The following PITPNC1 variants were observed in gnomAD, a reference collection of about 807,000 sequenced individuals.
PITPNC1 encodes the protein phosphatidylinositol transfer protein cytoplasmic 1.
Under a neutral mutation model 44.7 loss-of-function variants are expected in PITPNC1, and 18 were observed. The ratio of observed to expected loss-of-function variants is 0.40; its 90% CI spans 0.28 to 0.60. The LOEUF is 0.60. Among genes scored for constraint, PITPNC1 ranks in the 20% least tolerant of loss-of-function variants. PITPNC1 has a pLI of 0.39. For missense variants in PITPNC1, 290 were observed against 418.4 expected (o/e 0.69, Z 2.68); for synonymous variants, 141 against 149.6 (o/e 0.94, Z 0.42).
intron 1 of PITPNC1, among the ~76,000 whole-genome samples, chr17:67,396,455 T>C (rs2038222052): frequency 6.6e-6 from 1 of 152,026 alleles, no homozygotes; most frequent in Non-Finnish European, 1.5e-5. Context: ...CACTGCAACC[T>C]CTGCCCTCAG....
At chr17:67,407,162 T>C (rs2038413186) in intron 1 of PITPNC1, among the ~76,000 whole-genome samples, 1 of 152,226 alleles carries the variant, frequency 6.6e-6, no homozygotes, top group African/African-American at 2.4e-5. Context: ...CTCTACATCC[T>C]GGCCAGCACT....
chr17:67,410,294 A>G (rs2038475356), intron 1 of PITPNC1, among the ~76,000 whole-genome samples: 1 of 152,146 alleles, frequency 6.6e-6, no homozygotes, highest in South Asian at 2.1e-4. Flanking sequence ...GATTTATTTT[A>G]TTTTTTCACA....
At chr17:67,432,189 T>C (rs551701219) in intron 1 of PITPNC1, among the ~76,000 whole-genome samples, 170 of 152,346 alleles carry the variant, frequency 1.1e-3, no homozygotes, top group African/African-American at 3.8e-3. Flanking sequence ...TTGGACCACA[T>C]ATAAAATACA....
intron 5 of PITPNC1, among the ~76,000 whole-genome samples, chr17:67,617,321 C>T (rs1432433999): frequency 6.6e-6 from 1 of 152,180 alleles, no homozygotes; most frequent in Non-Finnish European, 1.5e-5. Flanking sequence ...GCCTGGCCAC[C>T]ATAGTGAGAA....
intron 1 of PITPNC1, among the ~76,000 whole-genome samples, chr17:67,513,846 T>C (rs1466380058): frequency 6.6e-6 from 1 of 152,152 alleles, no homozygotes. Flanking sequence ...AAAATCGTTA[T>C]GGGAAATTCT....
intron 6 of PITPNC1, among the ~76,000 whole-genome samples, chr17:67,655,491 C>T (rs1391097113): frequency 7.4e-5 from 10 of 134,492 alleles, no homozygotes; most frequent in African/African-American, 2.9e-4. Context: ...ACCTGGGAGG[C>T]GAGGCTTGTA....
intron 1 of PITPNC1, among the ~76,000 whole-genome samples, chr17:67,471,793 G>A (rs891544870): frequency 2.0e-5 from 3 of 151,884 alleles, no homozygotes; most frequent in African/African-American, 7.3e-5. Flanking sequence ...GGGCACAGTT[G>A]TATTAACTAA....
At chr17:67,691,529 A>G (rs1483425571) in intron 8 of PITPNC1, among the ~76,000 whole-genome samples, 1 of 151,782 alleles carries the variant, frequency 6.6e-6, no homozygotes, top group Admixed American at 6.6e-5. Context: ...AAATGGTTTT[A>G]TTTTCTTGGC....
intron 5 of PITPNC1, among the ~76,000 whole-genome samples, chr17:67,622,913 A>G (rs1438888840): frequency 6.6e-6 from 1 of 151,756 alleles, no homozygotes; most frequent in Non-Finnish European, 1.5e-5. Context: ...CCAACACTAG[A>G]CCCATATGCT....
At chr17:67,459,416 C>G (rs115595534) in intron 1 of PITPNC1, among the ~76,000 whole-genome samples, 1 of 152,248 alleles carries the variant, frequency 6.6e-6, no homozygotes, top group Admixed American at 6.5e-5. Flanking sequence ...CCGTGCCCAG[C>G]CTCTTTGGGG....
chr17:67,618,077 C>G (rs972231107), intron 5 of PITPNC1, among the ~76,000 whole-genome samples: 2 of 152,022 alleles, frequency 1.3e-5, no homozygotes, highest in Admixed American at 1.3e-4. Flanking sequence ...AAATGAAAAC[C>G]AGGCCAGGTG....
At chr17:67,425,139 T>A (rs1188426461) in intron 1 of PITPNC1, among the ~76,000 whole-genome samples, 1 of 150,864 alleles carries the variant, frequency 6.6e-6, no homozygotes, top group African/African-American at 2.4e-5. Flanking sequence ...GCTGACTCTT[T>A]TCGGACTCAG....
At chr17:67,655,028 G>A (rs9895544) in intron 6 of PITPNC1, among the ~76,000 whole-genome samples, 19,112 of 152,206 alleles carry the variant, frequency 0.13, 2,024 homozygotes, top group East Asian at 0.41. Flanking sequence ...TCCACATGGT[G>A]TAGGGGTGAC....
At chr17:67,579,637 T>C (rs1426759072) in intron 5 of PITPNC1, among the ~76,000 whole-genome samples, 1 of 147,420 alleles carries the variant, frequency 6.8e-6, no homozygotes, top group Admixed American at 6.7e-5. Flanking sequence ...TTTTTTTTTT[T>C]TTTTTCTGAT....
intron 2 of PITPNC1, 146 bp from the exon 3 acceptor site, chr17:67,552,111 C>T: frequency 3.2e-6 from 2 of 621,282 alleles, no homozygotes; most frequent in African/African-American, 1.8e-5. Flanking sequence ...ATGACAAAGA[C>T]CGAAGAGATG....
intron 5 of PITPNC1, among the ~76,000 whole-genome samples, chr17:67,618,787 G>A (rs1207943753): frequency 2.7e-5 from 4 of 150,236 alleles, no homozygotes; most frequent in Admixed American, 6.6e-5. Context: ...GGCCGGGCGC[G>A]GTGGCTCATG....
At chr17:67,614,807 G>T (rs952868284) in intron 5 of PITPNC1, among the ~76,000 whole-genome samples, 3 of 151,956 alleles carry the variant, frequency 2.0e-5, no homozygotes, top group African/African-American at 7.2e-5. Context: ...AGCCCCAGGA[G>T]TTTGAGAGCA....
chr17:67,607,967 C>T (rs1401614028), intron 5 of PITPNC1, among the ~76,000 whole-genome samples: 3 of 151,904 alleles, frequency 2.0e-5, no homozygotes, highest in South Asian at 2.1e-4. Flanking sequence ...TGACCTCAGG[C>T]GATTCACCCA....
intron 5 of PITPNC1, among the ~76,000 whole-genome samples, chr17:67,588,524 TC>T (rs1369528519): frequency 6.6e-6 from 1 of 152,170 alleles, no homozygotes; most frequent in African/African-American, 2.4e-5. Flanking sequence ...CCTCCCTTTG[TC>T]CGTCAACTCT....
Sources: gnomAD v4.1 joint callset for allele counts (sites outside exome capture counted in the v4.1 genomes callset) on GRCh38, gnomAD v4.1.1 for gene constraint, MANE v1.5 for transcripts, NCBI Gene and HGNC (gene_info 2026-07-23, HGNC 2026-07-21) for gene names.